DOP1A: variants seen among roughly 807,000 people sequenced by gnomAD.
DOP1A encodes DOP1 leucine zipper like protein A, also known as protein DOP1A.
DOP1A carries 90 observed loss-of-function variants against 267.6 expected under a neutral mutation model. That is an observed-to-expected ratio of 0.34 (90% CI 0.28 to 0.40). The LOEUF (loss-of-function observed/expected upper bound fraction) is 0.40. Ranked by LOEUF, DOP1A falls within the 10% of genes least tolerant of loss-of-function variation. The pLI, the probability that DOP1A is intolerant of heterozygous loss-of-function variation, is 1.00. For synonymous variants in DOP1A, 932 were observed against 999.1 expected (o/e 0.93, Z 1.27); for missense variants, 2,437 against 2,900.4 (o/e 0.84, Z 3.67).
At chr6:83,082,763 T>C (rs566821126) in intron 1 of DOP1A, among the ~76,000 whole-genome samples, 35 of 152,282 alleles carry the variant, frequency 2.3e-4, no homozygotes, top group Non-Finnish European at 4.4e-4. Context: ...ATAATACAAT[T>C]TTATCTGTCA....
At position 83,125,418 on chromosome 6, in the gene DOP1A, A is replaced by C. The variant is rs1051182567; in HGVS notation, c.1486-82A>C. ...TAAAACATTATGGATGAGTAAAATCATTGCCTATTTATATAGATTAAAAAA... is the reference window on the plus strand; with the variant it reads ...TAAAACATTATGGATGAGTAAAATCCTTGCCTATTTATATAGATTAAAAAA... On this transcript the variant is annotated intron_variant, in intron 14 of 38. Transcript: ENST00000349129. 3 of 1,275,708 alleles carry C rather than the reference A, an allele frequency of 2.4e-6. No individual in the cohort carries two copies. In the Admixed American group the frequency reaches 6.1e-5, roughly 26 times the overall value. 79.0% of individuals were successfully genotyped at this position (1,275,708 alleles called of 1,614,324 possible). A position where few individuals can be genotyped will look rare whatever the true frequency, so the allele number is the denominator to read the frequency against.
rs189151379 is a variant in DOP1A at position 83,116,238 on chromosome 6, A to G, written c.781-2650A>G. On this transcript the variant is annotated intron_variant, in intron 7 of 38. Transcript: ENST00000349129. ...CAATATTAAGTCTTAAACCACATCA[A>G]TGAACTTTTCATATTCTATTCCACT... is the stretch of plus-strand genomic sequence containing the variant. Among the ~76,000 whole-genome samples the G allele has an allele frequency of 1.1e-3, 174 of 152,320 alleles. 3 individuals are homozygous for G. Among genetic ancestry groups the G allele is most frequent in the African/African-American group, 4.1e-3 (170 of 41,580 alleles).
rs376186272 is a variant in DOP1A at position 83,119,028 on chromosome 6, G to A, written c.880+41G>A. The A allele has an allele frequency of 2.7e-5, 43 of 1,565,096 alleles. No individual in the cohort carries two copies. In the African/African-American group the frequency reaches 4.6e-4, roughly 17 times the overall value. On this transcript the variant is annotated intron_variant, in intron 8 of 38. Transcript: ENST00000349129. Reference sequence around the variant, plus strand: ...CTGTGGTCATGATTGGGGAAAAAATGGAGGGAGATTTGTCATGTATAAGTA... The same window carrying A: ...CTGTGGTCATGATTGGGGAAAAAATAGAGGGAGATTTGTCATGTATAAGTA...
intron 24 of DOP1A, among the ~76,000 whole-genome samples, chr6:83,144,708 T>G (rs962772951): frequency 4.6e-5 from 7 of 152,060 alleles, no homozygotes; most frequent in Non-Finnish European, 8.8e-5. Context: ...TGTCTAAAAT[T>G]GAAAATAAAA....
At chr6:83,123,819 A>AT (rs1562325371) in intron 12 of DOP1A, among the ~76,000 whole-genome samples, 1 of 151,966 alleles carries the variant, frequency 6.6e-6, no homozygotes, top group Non-Finnish European at 1.5e-5. Context: ...TAGGAATCGT[A>AT]TTTTTTTGCC....
chr6:83,125,754 T>C, intron 15 of DOP1A, 21 bp downstream of exon 15: 1 of 1,588,896 alleles, frequency 6.3e-7, no homozygotes, highest in Non-Finnish European at 8.6e-7. Flanking sequence ...CTATTATTTT[T>C]GGTATTAGAC....
intron 1 of DOP1A, among the ~76,000 whole-genome samples, chr6:83,082,741 A>G (rs1278108802): frequency 6.6e-6 from 1 of 152,146 alleles, no homozygotes; most frequent in Non-Finnish European, 1.5e-5. Flanking sequence ...ACTTCAAAAC[A>G]TTATATTGTA....
chr6:83,130,017 T>C, intron 16 of DOP1A, 106 bp from the exon 17 acceptor site: 1 of 1,378,546 alleles, frequency 7.3e-7, no homozygotes, highest in South Asian at 1.4e-5. Context: ...TGTTAACAGA[T>C]CAAGGCCTTA....
intron 38 of DOP1A, 30 bp from the exon 39 acceptor site, chr6:83,167,832 T>G: frequency 1.3e-6 from 2 of 1,582,788 alleles, no homozygotes; most frequent in Non-Finnish European, 1.7e-6. Context: ...TCTGTTGTAT[T>G]AATACCAGTT....
intron 1 of DOP1A, among the ~76,000 whole-genome samples, chr6:83,075,619 A>G (rs949928787): frequency 6.6e-6 from 1 of 152,212 alleles, no homozygotes; most frequent in Non-Finnish European, 1.5e-5. Flanking sequence ...TAGTAATCAA[A>G]ATAGTATGGT....
chr6:83,077,720 T>C (rs916697382), intron 1 of DOP1A, among the ~76,000 whole-genome samples: 3 of 152,170 alleles, frequency 2.0e-5, no homozygotes, highest in Non-Finnish European at 4.4e-5. Flanking sequence ...ATGAAGCATA[T>C]GTACATTTTT....
intron 27 of DOP1A, among the ~76,000 whole-genome samples, chr6:83,149,350 C>A (rs1362253473): frequency 6.6e-6 from 1 of 152,180 alleles, no homozygotes. Context: ...CATAGTCAGT[C>A]TCTCTTTCTT....
At chr6:83,167,450 T>C (rs1392185563) in intron 38 of DOP1A, 5 of 984,578 alleles carry the variant, frequency 5.1e-6, no homozygotes, top group Non-Finnish European at 6.0e-6. Context: ...GGATATATTA[T>C]GAAATGTATA....
chr6:83,132,371 A>G, intron 18 of DOP1A, 43 bp downstream of exon 18: 1 of 1,508,334 alleles, frequency 6.6e-7, no homozygotes, highest in African/African-American at 1.5e-5. Context: ...TCCGCCACAC[A>G]CACACACACA....
rs1213197076 is a variant in DOP1A at position 83,110,303 on chromosome 6, A to G, written c.670A>G (p.Ile224Val). Reference sequence around the variant, plus strand: ...TCAACTTTATATAATTGGCAGTGATATTGAGCTAATGGTAGGTCTAAAAAT... The same window carrying G: ...TCAACTTTATATAATTGGCAGTGATGTTGAGCTAATGGTAGGTCTAAAAAT... ...EDQLYIIGSD[I>V]ELMVEAVSTS... Residue 224 changes from isoleucine (I) to valine (V), a missense_variant, in exon 6 of 39, where the codon ATT becomes GTT. Ile to Val is a conservative substitution (Grantham distance 29). This residue lies in a region of DOP1A where 251 missense variants were observed against 359.1 expected (regional missense o/e 0.70). Transcript: ENST00000349129. The G allele has an allele frequency of 2.5e-6, 4 of 1,613,132 alleles. No homozygotes were observed. Among genetic ancestry groups the G allele is most frequent in the Non-Finnish European group, 3.4e-6 (4 of 1,179,750 alleles).
At chr6:83,131,372 T>G (rs1777998696) in intron 17 of DOP1A, among the ~76,000 whole-genome samples, 1 of 152,132 alleles carries the variant, frequency 6.6e-6, no homozygotes. Context: ...TATTGCATTA[T>G]TATTATTACT....
chr6:83,138,776 G>T lies in DOP1A; in HGVS notation c.4734G>T (p.Leu1578Phe). Residue 1578 changes from leucine to phenylalanine, a missense_variant, in exon 21 of 39, where the codon TTG (leucine) becomes TTT (phenylalanine). Leu to Phe is a conservative substitution (Grantham distance 22). Coordinates refer to ENST00000349129, the MANE Select transcript of DOP1A (RefSeq NM_015018.4). ...SEDEFDNGST[L>F]QSQLLKVLQR... ...ATGAATTTGACAATGGCAGCACGTTGCAGTCACAACTTCTTAAGGTGCTTC... is the reference window on the plus strand; with the variant it reads ...ATGAATTTGACAATGGCAGCACGTTTCAGTCACAACTTCTTAAGGTGCTTC... The T allele has an allele frequency of 8.1e-6, 13 of 1,614,012 alleles. No individual in the cohort carries two copies. Among genetic ancestry groups the T allele is most frequent in the Non-Finnish European group, 1.1e-5 (13 of 1,179,930 alleles).
At chr6:83,119,513 T>G (rs996513522) in intron 8 of DOP1A, among the ~76,000 whole-genome samples, 1 of 152,124 alleles carries the variant, frequency 6.6e-6, no homozygotes, top group African/African-American at 2.4e-5. Flanking sequence ...ATTTCACTGT[T>G]AGTAAAATTG....
At chr6:83,096,178 C>G (rs1771471774) in intron 1 of DOP1A, among the ~76,000 whole-genome samples, 1 of 151,964 alleles carries the variant, frequency 6.6e-6, no homozygotes, top group African/African-American at 2.4e-5. Flanking sequence ...GCCTTGAACT[C>G]TTGGACTCAA....
Sources: gnomAD v4.1 joint callset for allele counts (sites outside exome capture counted in the v4.1 genomes callset) on GRCh38, gnomAD v4.1.1 for gene constraint, gnomAD v4.1.1 regional missense constraint, MANE v1.5 for transcripts, NCBI Gene and HGNC (gene_info 2026-07-23, HGNC 2026-07-21) for gene names.